Variants in CSMD1 observed in about 807,000 individuals in gnomAD.
The protein encoded by CSMD1 is CUB and sushi domain-containing protein 1.
CSMD1 carries 213 observed loss-of-function variants against 417.5 expected under a neutral mutation model. The observed-to-expected ratio is 0.51, with a 90% CI of 0.46 to 0.57. The LOEUF (loss-of-function observed/expected upper bound fraction) is 0.57. CSMD1 is among the 20% of genes least tolerant of loss of function. CSMD1 has a pLI of 0.00. For missense variants in CSMD1, 6,923 were observed against 4,529.7 expected (o/e 1.53, Z -15.17); for synonymous variants, 2,862 against 1,736.8 (o/e 1.65, Z -16.11).
At chr8:3,632,526 AT>A (rs2117261369) in intron 7 of CSMD1, among the ~76,000 whole-genome samples, 1 of 152,326 alleles carries the variant, frequency 6.6e-6, no homozygotes, top group East Asian at 1.9e-4. Context: ...GAAGATGAGT[AT>A]TGGTTAGAAC....
chr8:3,091,644 G>A lies in CSMD1; in HGVS notation c.7157C>T (p.Pro2386Leu), dbSNP rs1440723379. 6.2e-7 allele frequency: 1 copy of A among 1,609,688 alleles called. No homozygotes were observed. The highest frequency in any genetic ancestry group is 1.7e-5 in the Admixed American group (1 of 58,754). Residue 2386 changes from proline (P) to leucine (L), a missense_variant, in exon 48 of 70, where the codon CCT becomes CTT. Transcript: ENST00000635120. ...ATTCCCACTTAAGACTACTAGCAGA[G>A]GACTTTGCCCAGAAGAACCTAAGTG... ...EVFDGSSGQS[P>L]LLVVLSGNHT...
chr8:3,318,426 C>G (rs760453331), intron 23 of CSMD1, among the ~76,000 whole-genome samples: 1 of 152,146 alleles, frequency 6.6e-6, no homozygotes, highest in Non-Finnish European at 1.5e-5. Flanking sequence ...TTTTGCTAGA[C>G]GCCGAAGATA....
chr8:3,429,042 G>C (rs988436538), intron 12 of CSMD1, among the ~76,000 whole-genome samples: 1 of 152,160 alleles, frequency 6.6e-6, no homozygotes, highest in African/African-American at 2.4e-5. Context: ...GGGGGAGGCA[G>C]GAGGACAGGA....
chr8:3,542,360 G>A (rs1798475853), intron 10 of CSMD1, among the ~76,000 whole-genome samples: 1 of 152,108 alleles, frequency 6.6e-6, no homozygotes, highest in Non-Finnish European at 1.5e-5. Flanking sequence ...CTGAAGATAG[G>A]TAATTAGTTA....
chr8:3,291,085 T>C (rs1037376036), intron 25 of CSMD1, among the ~76,000 whole-genome samples: 9 of 152,216 alleles, frequency 5.9e-5, no homozygotes, highest in African/African-American at 2.2e-4. Context: ...GAGATAATCA[T>C]GTGGTTTTTG....
chr8:3,335,312 C>T (rs747710208), intron 23 of CSMD1, among the ~76,000 whole-genome samples: 3 of 152,192 alleles, frequency 2.0e-5, no homozygotes, highest in Non-Finnish European at 4.4e-5. Flanking sequence ...GTGACAGGAT[C>T]AATTTCCCCT....
At chr8:4,289,567 C>T (rs1169151323) in intron 3 of CSMD1, among the ~76,000 whole-genome samples, 1 of 152,164 alleles carries the variant, frequency 6.6e-6, no homozygotes, top group Non-Finnish European at 1.5e-5. Flanking sequence ...ACTCAGAATT[C>T]ATCACATTTT....
chr8:3,728,652 G>T (rs966380374), intron 6 of CSMD1, among the ~76,000 whole-genome samples: 2 of 151,862 alleles, frequency 1.3e-5, no homozygotes, highest in Non-Finnish European at 2.9e-5. Context: ...CGTGTGGGGA[G>T]CACAGATGGA....
intron 7 of CSMD1, among the ~76,000 whole-genome samples, chr8:3,640,544 T>C (rs1362193136): frequency 2.6e-5 from 4 of 152,144 alleles, no homozygotes; most frequent in Non-Finnish European, 1.5e-5. Flanking sequence ...CATAAACTCA[T>C]TTTTTTCCAC....
chr8:3,963,183 C>T (rs933442990), intron 5 of CSMD1, among the ~76,000 whole-genome samples: 5 of 152,238 alleles, frequency 3.3e-5, no homozygotes, highest in South Asian at 2.1e-4. Context: ...CCTCCATTCT[C>T]GGCCTCCCAA....
At chr8:3,551,379 A>G (rs1243415346) in intron 10 of CSMD1, among the ~76,000 whole-genome samples, 1 of 152,128 alleles carries the variant, frequency 6.6e-6, no homozygotes, top group Non-Finnish European at 1.5e-5. Flanking sequence ...TAAGCCTAAG[A>G]GTAGATGCAG....
intron 49 of CSMD1, among the ~76,000 whole-genome samples, chr8:3,061,275 C>G: frequency 6.6e-6 from 1 of 152,258 alleles, no homozygotes; most frequent in East Asian, 1.9e-4. Context: ...CTGGACCCTA[C>G]TAGGCCAGCA....
chr8:4,522,359 C>T (rs1260542019), intron 2 of CSMD1, among the ~76,000 whole-genome samples: 2 of 152,134 alleles, frequency 1.3e-5, no homozygotes, highest in Non-Finnish European at 2.9e-5. Flanking sequence ...TGTTAATTGC[C>T]AAGTCTCCGG....
In CSMD1 at chr8:2,970,022, T is replaced by C. The variant is rs186533804; in HGVS notation, c.8923+3095A>G. Reference sequence around the variant, plus strand: ...TGTAACTTATTTTGTGTATGCAGCTTTTAAGGGCTAAGTTTCTAATTTTTT... The same window carrying C: ...TGTAACTTATTTTGTGTATGCAGCTCTTAAGGGCTAAGTTTCTAATTTTTT... On this transcript the variant is annotated intron_variant, in intron 57 of 69. Coordinates refer to ENST00000635120, the MANE Select transcript of CSMD1 (RefSeq NM_033225.6). Among the ~76,000 whole-genome samples, 502 of 152,312 alleles carry C rather than the reference T, an allele frequency of 3.3e-3. 5 individuals are homozygous for C. The highest frequency in any genetic ancestry group is 0.012 in the African/African-American group (484 of 41,574).
chr8:4,902,489 A>C (rs1804951564), intron 1 of CSMD1, among the ~76,000 whole-genome samples: 1 of 152,168 alleles, frequency 6.6e-6, no homozygotes, highest in African/African-American at 2.4e-5. Context: ...TAAATGAAAA[A>C]TATAATGTAG....
At chr8:4,682,800 T>C (rs1305719463) in intron 1 of CSMD1, among the ~76,000 whole-genome samples, 1 of 151,302 alleles carries the variant, frequency 6.6e-6, no homozygotes, top group Non-Finnish European at 1.5e-5. Context: ...CAACATTATA[T>C]ATAAGAATAT....
chr8:3,262,686 A>G (rs1801168014), intron 26 of CSMD1, among the ~76,000 whole-genome samples: 2 of 152,148 alleles, frequency 1.3e-5, no homozygotes, highest in South Asian at 2.1e-4. Context: ...AACATGGAAT[A>G]CCTGGTGTAA....
At chr8:3,202,239 A>T (rs1797029399) in intron 31 of CSMD1, among the ~76,000 whole-genome samples, 1 of 152,238 alleles carries the variant, frequency 6.6e-6, no homozygotes, top group Non-Finnish European at 1.5e-5. Context: ...TTCAATGAAA[A>T]ATAAGCAAAG....
At chr8:3,244,786 C>T (rs1420510343) in intron 26 of CSMD1, among the ~76,000 whole-genome samples, 2 of 152,188 alleles carry the variant, frequency 1.3e-5, no homozygotes, top group African/African-American at 4.8e-5. Context: ...AGTATCTGCA[C>T]ACCCTCCAAG....
Sources: gnomAD v4.1 joint callset for allele counts (sites outside exome capture counted in the v4.1 genomes callset) on GRCh38, gnomAD v4.1.1 for gene constraint, MANE v1.5 for transcripts, NCBI Gene and HGNC (gene_info 2026-07-23, HGNC 2026-07-21) for gene names.